Variants in KBTBD4 observed in about 807,000 individuals in gnomAD.
KBTBD4 encodes the protein kelch repeat and BTB domain containing 4, also known as kelch repeat and BTB domain-containing protein 4.
Under a neutral mutation model 43.9 loss-of-function variants are expected in KBTBD4, and 30 were observed. That is an observed-to-expected ratio of 0.68 (90% confidence interval 0.51 to 0.93). The LOEUF is 0.93. KBTBD4 is among the 40% of genes least tolerant of loss of function. KBTBD4 has a pLI of 0.00. For synonymous variants in KBTBD4, 258 were observed against 256.9 expected (o/e 1.00, Z -0.04); for missense variants, 575 against 668.8 (o/e 0.86, Z 1.55).
intron 1 of KBTBD4, chr11:47,578,262 T>C (rs2097264079): frequency 1.7e-6 from 1 of 591,490 alleles, no homozygotes; most frequent in Non-Finnish European, 3.0e-6. Context: ...CAACTCTGGG[T>C]GTTTTCCTGA....
intron 3 of KBTBD4, 87 bp downstream of exon 3, chr11:47,575,506 C>CAA (rs375608709): frequency 5.6e-3 from 3,766 of 678,398 alleles, no homozygotes; most frequent in East Asian, 7.7e-3. Context: ...GACTCCATCT[C>CAA]AAAAAAAAAA....
At position 47,577,917 on chromosome 11, in the gene KBTBD4, C is replaced by A. The variant is rs1294000888; in HGVS notation, c.131G>T (p.Gly44Val). 1 of 1,614,196 alleles carries A rather than the reference C, an allele frequency of 6.2e-7. No homozygotes were observed. The highest frequency in any genetic ancestry group is 1.7e-5 in the Admixed American group (1 of 60,032). ...NYTFKDRSHS[G>V]RVAQGIMKLC... is the part of the protein sequence containing the mutation. ...TTTCATGATGCCTTGAGCCACACGG[C>A]CTGAATGTGACCGATCTTTGAAAGT... Residue 44 changes from glycine to valine, a missense_variant, in exon 2 of 4, where the codon GGC (glycine) becomes GTC (valine). Transcript: ENST00000430070.
At chr11:47,574,887 TC>T (rs75825278) in intron 3 of KBTBD4, among the ~76,000 whole-genome samples, 149,499 of 151,486 alleles carry the variant, frequency 0.99, 73,792 homozygotes, top group Middle Eastern at 1. Context: ...AGAGCGAAAC[TC>T]CCATCTCTCT....
chr11:47,577,356 C>A lies in KBTBD4; in HGVS notation c.637+55G>T, dbSNP rs755639694. 2.6e-6 allele frequency: 4 copies of A among 1,511,000 alleles called. No homozygotes were observed. In the South Asian group the frequency reaches 5.2e-5, roughly 20 times the overall value. 93.6% of individuals were successfully genotyped at this position (1,511,000 alleles called of 1,614,324 possible). On this transcript the variant is annotated intron_variant, in intron 2 of 3. Coordinates refer to ENST00000430070, the MANE Select transcript of KBTBD4 (RefSeq NM_018095.6). ...TTCTTTTCTCCTAAACTAGAACATT[C>A]ACTGAACATCATAGCCAAGTAACTG...
chr11:47,577,801 T>C lies in KBTBD4; in HGVS notation c.247A>G (p.Ser83Gly), dbSNP rs2097262945. 6.2e-7 allele frequency: 1 copy of C among 1,614,046 alleles called. No individual in the cohort carries two copies. Among genetic ancestry groups the C allele is most frequent in the Non-Finnish European group, 8.5e-7 (1 of 1,180,032 alleles). Residue 83 changes from serine to glycine, a missense_variant, in exon 2 of 4, where the codon AGC becomes GGC. Coordinates refer to ENST00000430070, the MANE Select transcript of KBTBD4 (RefSeq NM_018095.6). ...GTGAACATGGATCGGAAGAAGCAGC[T>C]CTGAGCTGAGAGGACCAGCCGATGG... ...QLHRLVLSAQ[S>G]CFFRSMFTSN...
intron 3 of KBTBD4, among the ~76,000 whole-genome samples, chr11:47,574,499 A>G (rs2097255531): frequency 6.6e-6 from 1 of 151,716 alleles, no homozygotes; most frequent in Non-Finnish European, 1.5e-5. Context: ...TCTGTCTCAA[A>G]AACAAACAAA....
Position 47,573,173 on chromosome 11 carries a change from C to T in KBTBD4, c.1362G>A (p.Gly454=), listed in dbSNP as rs145669679. The part of the protein sequence containing the change: ...HKDLVFIVAE[G]DSLVCYNPLL... The stretch of plus-strand genomic sequence containing the variant: ...AGGGATTGTAGCACACCAGGGAGTC[C>T]CCTTCAGCCACGATGAACACCAGAT... Residue 454 remains glycine, a synonymous_variant, in exon 4 of 4, where the codon GGG becomes GGA. Transcript: ENST00000430070. The surrounding 1 kb of genome is among the most constrained non-coding windows in gnomAD (Gnocchi z 4.1). The T allele has an allele frequency of 1.2e-5, 20 of 1,614,130 alleles. No individual in the cohort carries two copies. The African/African-American group carries it at 2.4e-4, about 19-fold the overall frequency.
At chr11:47,575,179 C>G (rs1245374595) in intron 3 of KBTBD4, among the ~76,000 whole-genome samples, 2 of 148,680 alleles carry the variant, frequency 1.3e-5, no homozygotes, top group African/African-American at 5.0e-5. Flanking sequence ...CACTGCATTC[C>G]AGCCTGGGCA....
At chr11:47,578,788 G>A (rs2097265370) in intron 1 of KBTBD4, 145 bp downstream of exon 1, 7 of 1,533,126 alleles carry the variant, frequency 4.6e-6, no homozygotes, top group Non-Finnish European at 6.1e-6. Context: ...GGGGTGTGTA[G>A]CGTAGAACCC....
chr11:47,573,379 C>A lies in KBTBD4; in HGVS notation c.1156G>T (p.Gly386Trp). 1.2e-6 allele frequency: 2 copies of A among 1,614,202 alleles called. No homozygotes were observed. The highest frequency in any genetic ancestry group is 1.7e-6 in the Non-Finnish European group (2 of 1,180,030). Residue 386 changes from glycine to tryptophan, a missense_variant, in exon 4 of 4, where the codon GGG becomes TGG. Transcript: ENST00000430070. This position sits in a 1 kb window ranked among gnomAD's most constrained non-coding sequence, Gnocchi z 4.1. Reference protein sequence around the residue: ...ETTQLEVAVSGAAGANLNGII... With the variant: ...ETTQLEVAVSWAAGANLNGII... ...CCGTTGAGGTTGGCACCAGCAGCCCCTGACACAGCCACCTCTAGCTGAGTT... is the reference window on the plus strand; with the variant it reads ...CCGTTGAGGTTGGCACCAGCAGCCCATGACACAGCCACCTCTAGCTGAGTT...
rs138203231 is a variant in KBTBD4 at position 47,577,788 on chromosome 11, C to G, written c.260G>C (p.Arg87Pro). 6.2e-7 allele frequency: 1 copy of G among 1,614,156 alleles called. No homozygotes were observed. Among genetic ancestry groups the G allele is most frequent in the East Asian group, 2.2e-5 (1 of 44,886 alleles). The change falls in exon 2 of 4, where the codon CGA becomes CCA. Residue 87 changes from arginine to proline, a missense_variant. Arg to Pro is a moderately radical substitution (Grantham distance 103). Transcript: ENST00000430070. ...LVLSAQSCFF[R>P]SMFTSNLKEA... ...CTTCAGGTTGGAAGTGAACATGGAT[C>G]GGAAGAAGCAGCTCTGAGCTGAGAG...
Position 47,575,714 on chromosome 11 carries a change from G to C in KBTBD4, c.638-15C>G. 6.7e-7 allele frequency: 1 copy of C among 1,495,356 alleles called. No individual in the cohort carries two copies. Among genetic ancestry groups the C allele is most frequent in the Non-Finnish European group, 9.3e-7 (1 of 1,080,596 alleles). The allele number at this position is 1,495,356 out of a possible 1,614,324, so 92.6% of individuals were successfully genotyped here. ...CGGAACTCCATCTGTGAGAGCCAGA[G>C]GAAAGGCATGGTCAATGACAATCCG... is the stretch of plus-strand genomic sequence containing the variant. On this transcript the variant is annotated splice_polypyrimidine_tract_variant and intron_variant, in intron 2 of 3. Coordinates refer to ENST00000430070, the MANE Select transcript of KBTBD4 (RefSeq NM_018095.6).
chr11:47,575,966 T>C (rs1438474521), intron 2 of KBTBD4, among the ~76,000 whole-genome samples: 4 of 151,132 alleles, frequency 2.6e-5, no homozygotes, highest in African/African-American at 7.3e-5. Flanking sequence ...AGCAATCCTG[T>C]TTCAGCCTCC....
rs750002564 is a variant in KBTBD4, at chr11:47,578,946, T to C, written c.6A>G (p.Lys2=). The change falls in exon 1 of 4, where the codon AAA becomes AAG. Residue 2 remains lysine (K), a synonymous_variant. Transcript: ENST00000430070. ...TCGCTTTCTCACCTGCGTTCCCTCC[T>C]TTCATCCCGGAGCCCGGAACCTCCG... M[K]GGNADSWQRE... The C allele has an allele frequency of 6.4e-7, 1 of 1,551,648 alleles. No homozygotes were observed. Among genetic ancestry groups the C allele is most frequent in the Non-Finnish European group, 8.7e-7 (1 of 1,147,024 alleles).
intron 3 of KBTBD4, among the ~76,000 whole-genome samples, chr11:47,575,378 G>A (rs1480732642): frequency 6.6e-6 from 1 of 151,774 alleles, no homozygotes; most frequent in Non-Finnish European, 1.5e-5. Flanking sequence ...GTGGTGGTGG[G>A]CACCTGTAGT....
At chr11:47,578,867 C>T in intron 1 of KBTBD4, 66 bp downstream of exon 1, 1 of 1,550,992 alleles carries the variant, frequency 6.4e-7, no homozygotes, top group Non-Finnish European at 8.7e-7. Context: ...TCTCTAGGCT[C>T]TGCCACAAGG....
rs151128181 is a variant in KBTBD4, at chr11:47,572,935, C to T, written c.1600G>A (p.Ala534Thr). The T allele has an allele frequency of 1.1e-5, 17 of 1,612,410 alleles. No individual in the cohort carries two copies. The African/African-American group carries it at 2.3e-4, about 21-fold the overall frequency. The stretch of plus-strand genomic sequence containing the variant: ...CTCCTCCCCTCCCCACAGCCTTAGG[C>T]CAACACAAACTGCAAATTGGTAAGC... Reference protein sequence around the residue: ...VLLTNLQFVLA With the variant: ...VLLTNLQFVLT The change falls in exon 4 of 4, where the codon GCC becomes ACC. Residue 534 changes from alanine (A) to threonine (T), a missense_variant. Transcript: ENST00000430070.
In KBTBD4 at chr11:47,577,395, C is replaced by T; in HGVS notation, c.637+16G>A. 2 of 1,584,436 alleles carry T rather than the reference C, an allele frequency of 1.3e-6. No homozygotes were observed. Among genetic ancestry groups the T allele is most frequent in the South Asian group, 1.1e-5 (1 of 88,334 alleles). On this transcript the variant is annotated intron_variant, in intron 2 of 3. Transcript: ENST00000430070. ...GCCAAGTAACTGGGTATGGTGTGTC[C>T]CCTCCCTAAACTTACCCGAGATGAT...
Position 47,573,129 on chromosome 11 carries a change from C to T in KBTBD4, c.1406G>A (p.Arg469Gln), listed in dbSNP as rs1185348236. The change falls in exon 4 of 4, where the codon CGG (arginine) becomes CAG (glutamine). Residue 469 changes from arginine (R) to glutamine (Q), a missense_variant. Arg to Gln is a conservative substitution (Grantham distance 43). Transcript: ENST00000430070. This position sits in a 1 kb window ranked among gnomAD's most constrained non-coding sequence, Gnocchi z 4.1. ...CYNPLLDSFT[R>Q]LCLPEAWSSA... ...GCTCCAGGCCTCAGGAAGGCAAAGC[C>T]GGGTGAAGCTGTCTAGCAAGGGATT... The T allele has an allele frequency of 1.9e-5, 31 of 1,614,070 alleles. No homozygotes were observed. The highest frequency in any genetic ancestry group is 2.5e-5 in the Non-Finnish European group (29 of 1,180,046).
Sources: allele counts gnomAD v4.1 joint callset (sites outside exome capture counted in the v4.1 genomes callset), GRCh38; gene constraint gnomAD v4.1.1; non-coding constraint Gnocchi (gnomAD v3.1); transcripts MANE v1.5; gene names NCBI Gene and HGNC (gene_info 2026-07-23, HGNC 2026-07-21).